Variants in MAP4K1 observed in about 807,000 individuals in gnomAD.
MAP4K1 encodes mitogen-activated protein kinase kinase kinase kinase 1, also known as MAPK/ERK kinase kinase kinase 1.
In MAP4K1, 35 loss-of-function variants were observed where a neutral mutation model predicts 122.8. The ratio of observed to expected loss-of-function variants is 0.29; its 90% confidence interval spans 0.22 to 0.38. The LOEUF (loss-of-function observed/expected upper bound fraction) is 0.38. MAP4K1 is among the 10% of genes least tolerant of loss of function. The pLI is 1.00. For missense variants in MAP4K1, 791 were observed against 1,072.6 expected, an observed-to-expected ratio of 0.74 and a Z score of 3.67; for synonymous variants, 412 against 421.3, an observed-to-expected ratio of 0.98 and a Z score of 0.27.
At chr19:38,612,503 G>A (rs1599718473) in intron 9 of MAP4K1, 108 bp downstream of exon 9, 2 of 993,394 alleles carry the variant, frequency 2.0e-6, no homozygotes, top group Non-Finnish European at 2.8e-6. Flanking sequence ...AGGCTCAAGT[G>A]GTGATCCCTG....
At chr19:38,591,023 T>C (rs529502442) in intron 30 of MAP4K1, among the ~76,000 whole-genome samples, 1 of 150,616 alleles carries the variant, frequency 6.6e-6, no homozygotes, top group East Asian at 2.0e-4. Flanking sequence ...GTGTGGTGTG[T>C]GCGCATAAGA....
At chr19:38,603,448 ATG>A (rs1238860953) in intron 19 of MAP4K1, among the ~76,000 whole-genome samples, 20 of 151,650 alleles carry the variant, frequency 1.3e-4, no homozygotes, top group African/African-American at 2.2e-4. Flanking sequence ...ATACATGTAT[ATG>A]TGTGTGTATA....
At chr19:38,611,004 GGCC>G in intron 11 of MAP4K1, 44 bp downstream of exon 11, 1 of 1,500,452 alleles carries the variant, frequency 6.7e-7, no homozygotes, top group Middle Eastern at 1.7e-4. Context: ...AGTTGTGGAA[GGCC>G]CCAGGGAATC....
intron 25 of MAP4K1, 66 bp downstream of exon 25, chr19:38,596,968 C>G (rs1974907762): frequency 2.1e-6 from 3 of 1,447,876 alleles, no homozygotes; most frequent in Admixed American, 1.7e-5. Context: ...TTGATAGAAG[C>G]GCAAAGGGTG....
chr19:38,611,387 G>T, intron 9 of MAP4K1, 82 bp from the exon 10 acceptor site: 1 of 919,492 alleles, frequency 1.1e-6, no homozygotes, highest in Non-Finnish European at 1.8e-6. Flanking sequence ...TAGTAGCATT[G>T]TGGTCAGCAG....
chr19:38,616,000 A>G (rs1975638169), intron 4 of MAP4K1, among the ~76,000 whole-genome samples, 195 bp downstream of exon 4: 1 of 151,162 alleles, frequency 6.6e-6, no homozygotes, highest in Non-Finnish European at 1.5e-5. Context: ...AGCCAGGCAC[A>G]GTGGCTCAAG....
At chr19:38,609,844 G>A (rs944083513) in intron 12 of MAP4K1, 65 bp downstream of exon 12, 2 of 1,454,298 alleles carry the variant, frequency 1.4e-6, no homozygotes, top group Admixed American at 3.4e-5. Context: ...AGGCACTGCT[G>A]GCAGCAGGCA....
chr19:38,603,213 TATACAC>T (rs1317758333), intron 19 of MAP4K1, among the ~76,000 whole-genome samples: 5 of 148,716 alleles, frequency 3.4e-5, no homozygotes, highest in South Asian at 2.1e-4. Flanking sequence ...CACATACATA[TATACAC>T]ATATACATAT....
At chr19:38,590,712 T>TAG (rs1169248234) in intron 30 of MAP4K1, among the ~76,000 whole-genome samples, 27 of 151,662 alleles carry the variant, frequency 1.8e-4, no homozygotes, top group Non-Finnish European at 2.9e-4. Flanking sequence ...TGACCTCAGG[T>TAG]AATCTGCCCA....
chr19:38,617,552 C>G lies in MAP4K1; in HGVS notation c.157+16G>C. 6.2e-7 allele frequency: 1 copy of G among 1,613,852 alleles called. No individual in the cohort carries two copies. Among genetic ancestry groups the G allele is most frequent in the Non-Finnish European group, 8.5e-7 (1 of 1,179,818 alleles). The stretch of plus-strand genomic sequence containing the variant: ...AGGTGGGGATGTGGGGAAGGAGCTC[C>G]ATGTTCCCTCCTCACCAGGCTCCAT... On this transcript the variant is annotated intron_variant, in intron 2 of 30. Transcript: ENST00000396857. The surrounding 1 kb of genome is among the most constrained non-coding windows in gnomAD (Gnocchi z 4.1).
chr19:38,613,137 G>A (rs1171151252), intron 8 of MAP4K1, among the ~76,000 whole-genome samples: 6 of 151,934 alleles, frequency 3.9e-5, no homozygotes, highest in African/African-American at 9.7e-5. Flanking sequence ...GTGAAAGCCC[G>A]TCTCTACTAA....
Position 38,611,069 on chromosome 19 carries a change from G to A in MAP4K1, c.792C>T (p.Ser264=), listed in dbSNP as rs754154809. The change falls in exon 11 of 31, where the codon AGC becomes AGT. Residue 264 remains serine (S), a synonymous_variant. Transcript: ENST00000396857. ...GGGTTACACTGAGCATCTTGGTGGC[G>A]CTGGGTCGTTTCTTGGGACTCTTAG... ...TLTKSPKKRP[S]ATKMLSHQLV... 16 of 1,612,722 alleles carry A rather than the reference G, an allele frequency of 9.9e-6. No individual in the cohort carries two copies. Among genetic ancestry groups the A allele is most frequent in the South Asian group, 8.8e-5 (8 of 90,772 alleles).
rs374936476 is a variant in MAP4K1, at chr19:38,598,983, A to C, written c.1669+942T>G. The stretch of plus-strand genomic sequence containing the variant: ...AGCCGAGACTGCGCCACTGCACTCC[A>C]GTCTGGGCAACAGAGTGAGAGTCTA... On this transcript the variant is annotated intron_variant, in intron 22 of 30. Coordinates refer to ENST00000396857, the MANE Select transcript of MAP4K1 (RefSeq NM_001042600.3). Among the ~76,000 whole-genome samples, 487 of 143,852 alleles carry C rather than the reference A, an allele frequency of 3.4e-3. 12 individuals are homozygous for C. The highest frequency in any genetic ancestry group is 0.025 in the Admixed American group (337 of 13,718). 94.4% of individuals were successfully genotyped at this position (143,852 alleles called of 152,430 possible). A position where few individuals can be genotyped will look rare whatever the true frequency, so the allele number is the denominator to read the frequency against.
intron 11 of MAP4K1, among the ~76,000 whole-genome samples, chr19:38,610,680 C>T (rs945966071): frequency 9.9e-5 from 15 of 152,186 alleles, no homozygotes; most frequent in African/African-American, 3.6e-4. Context: ...GCCACCATGC[C>T]CAGCCGACCG....
At chr19:38,606,085 G>T (rs1975321032) in intron 17 of MAP4K1, 88 bp downstream of exon 17, 5 of 1,058,800 alleles carry the variant, frequency 4.7e-6, no homozygotes, top group South Asian at 1.4e-5. Context: ...GCCCTGGAGA[G>T]CCCAGTATCC....
intron 27 of MAP4K1, 82 bp downstream of exon 27, chr19:38,595,857 T>G: frequency 6.4e-7 from 1 of 1,554,300 alleles, no homozygotes; most frequent in Non-Finnish European, 8.9e-7. Context: ...CAGGGGGTTC[T>G]GAGAAGCACA....
chr19:38,592,479 G>A (rs1459476888), intron 30 of MAP4K1: 1 of 152,190 alleles, frequency 6.6e-6, no homozygotes, highest in African/African-American at 2.4e-5. Flanking sequence ...GGAGGCTGAA[G>A]CATGAGAATC....
chr19:38,607,995 G>A lies in MAP4K1; in HGVS notation c.1104C>T (p.Ser368=), dbSNP rs374096603. The change falls in exon 15 of 31, where the codon AGC becomes AGT. Residue 368 remains serine (S), a synonymous_variant. Transcript: ENST00000396857. ...LQPPRDLRSS[S]PRKQLSESSD... ...TCCTCCCTGGGGTCCCTGACCTGGG[G>A]CTGCTGCTCCTGAGGTCTCGAGGAG... 1.3e-4 allele frequency: 213 copies of A among 1,611,502 alleles called. No individual in the cohort carries two copies. The highest frequency in any genetic ancestry group is 1.6e-4 in the Non-Finnish European group (193 of 1,178,772).
intron 19 of MAP4K1, among the ~76,000 whole-genome samples, chr19:38,603,291 C>T (rs1377770578): frequency 6.6e-6 from 1 of 150,570 alleles, no homozygotes; most frequent in Non-Finnish European, 1.5e-5. Context: ...CATATACACA[C>T]ACACATACAT....
Sources: allele counts gnomAD v4.1 joint callset (sites outside exome capture counted in the v4.1 genomes callset), GRCh38; gene constraint gnomAD v4.1.1; non-coding constraint Gnocchi (gnomAD v3.1); transcripts MANE v1.5; gene names NCBI Gene and HGNC (gene_info 2026-07-23, HGNC 2026-07-21).